The following ETV5 variants were observed in gnomAD, a reference collection of about 807,000 sequenced individuals.
ETV5 encodes ETS variant transcription factor 5.
In ETV5, 10 loss-of-function variants were observed where a neutral mutation model predicts 70.0. That is an observed-to-expected ratio of 0.14 (90% CI 0.09 to 0.24). The LOEUF is 0.24. ETV5 is among the 10% of genes least tolerant of loss of function. The pLI, the probability that ETV5 is intolerant of heterozygous loss-of-function variation, is 1.00. For synonymous variants in ETV5, 216 were observed against 242.2 expected, an observed-to-expected ratio of 0.89 and a Z score of 1.01; for missense variants, 453 against 651.2, an observed-to-expected ratio of 0.70 and a Z score of 3.31.
intron 5 of ETV5, among the ~76,000 whole-genome samples, chr3:186,088,933 A>G (rs1714119454): frequency 6.6e-6 from 1 of 152,212 alleles, no homozygotes; most frequent in East Asian, 1.9e-4. Flanking sequence ...GGTAAGACTT[A>G]TTTTTTAAGT....
rs1366935891 is a variant in ETV5, at chr3:186,079,970, G to C, written c.497C>G (p.Ala166Gly). The C allele has an allele frequency of 1.9e-6, 3 of 1,596,494 alleles. No individual in the cohort carries two copies. The highest frequency in any genetic ancestry group is 2.6e-6 in the Non-Finnish European group (3 of 1,173,234). Residue 166 changes from alanine to glycine, a missense_variant, in exon 7 of 13, where the codon GCT becomes GGT. Around this residue, in one of 4 missense-constraint regions of ETV5, gnomAD observed 307 missense variants for 344.9 expected, o/e 0.89. Transcript: ENST00000306376. ...TLPTSGHAPA[A>G]GPVQGVGPAP... The stretch of plus-strand genomic sequence containing the variant: ...GGGGCCCACACCTTGAACTGGGCCA[G>C]CTGCAGGGGCATGCCCTGAGGTGGG...
intron 5 of ETV5, among the ~76,000 whole-genome samples, chr3:186,086,284 A>G (rs1714057035): frequency 6.6e-6 from 1 of 152,186 alleles, no homozygotes; most frequent in Non-Finnish European, 1.5e-5. Context: ...TTAAATTTAG[A>G]TGTGATGCTC....
chr3:186,081,161 G>C lies in ETV5; in HGVS notation c.247C>G (p.Pro83Ala), dbSNP rs1412277860. The stretch of plus-strand genomic sequence containing the variant: ...TCCCGTTTGATCTTGGTTGGAGGTG[G>C]GGCATGAAGCACCACTGAAATCAGA... ...FQSDNLVLHAPPPTKIKRELH... is the reference protein window; with the variant it reads ...FQSDNLVLHAAPPTKIKRELH... The change falls in exon 6 of 13, where the codon CCA (proline) becomes GCA (alanine). Residue 83 changes from proline (P) to alanine (A), a missense_variant. Pro to Ala is a conservative substitution (Grantham distance 27, BLOSUM62 -1). Transcript: ENST00000306376. The C allele has an allele frequency of 1.5e-5, 25 of 1,613,028 alleles. No homozygotes were observed. Among genetic ancestry groups the C allele is most frequent in the Non-Finnish European group, 2.1e-5 (25 of 1,179,460 alleles).
chr3:186,096,748 A>C (rs1223516131), intron 5 of ETV5, among the ~76,000 whole-genome samples: 4 of 152,186 alleles, frequency 2.6e-5, no homozygotes, highest in Non-Finnish European at 4.4e-5. Context: ...CTGGATCATT[A>C]CTATTAAGTT....
chr3:186,081,666 A>T (rs1422543113), intron 5 of ETV5, among the ~76,000 whole-genome samples: 2 of 152,256 alleles, frequency 1.3e-5, no homozygotes, highest in Non-Finnish European at 2.9e-5. Flanking sequence ...TAGAATTTTT[A>T]AAAAGTCCTT....
In ETV5 at chr3:186,047,663, A is replaced by C. The variant is rs906229693; in HGVS notation, c.*976T>G. 2 of 233,304 alleles carry C rather than the reference A, an allele frequency of 8.6e-6. No individual in the cohort carries two copies. Among genetic ancestry groups the C allele is most frequent in the African/African-American group, 4.4e-5 (2 of 45,332 alleles). The allele number at this position is 233,304 out of a possible 1,614,324, so 14.5% of individuals were successfully genotyped here. A position where few individuals can be genotyped will look rare whatever the true frequency, so the allele number is the denominator to read the frequency against. ...CTGGTGCAGAAAGCACAAAGCAGGCAACAAGGCGGGCTTTCACATGGCCAA... is the reference window on the plus strand; with the variant it reads ...CTGGTGCAGAAAGCACAAAGCAGGCCACAAGGCGGGCTTTCACATGGCCAA... On this transcript the variant is annotated 3_prime_UTR_variant, in exon 13 of 13. Transcript: ENST00000306376.
Position 186,106,435 on chromosome 3 carries a change from C to A in ETV5, c.-74-493G>T, listed in dbSNP as rs529412238. ...GTGTTTCCAAAAGCATTTTGTAGGTCACTGTTAAAACACTATATATAGTTC... is the reference window on the plus strand; with the variant it reads ...GTGTTTCCAAAAGCATTTTGTAGGTAACTGTTAAAACACTATATATAGTTC... On this transcript the variant is annotated intron_variant, in intron 1 of 12. Transcript: ENST00000306376. 2.6e-5 allele frequency among the ~76,000 whole-genome samples: 4 copies of A among 152,208 alleles called. No homozygotes were observed. In the South Asian group the frequency reaches 8.3e-4, roughly 32 times the overall value.
At chr3:186,094,225 G>T (rs998970956) in intron 5 of ETV5, among the ~76,000 whole-genome samples, 1 of 152,168 alleles carries the variant, frequency 6.6e-6, no homozygotes, top group Non-Finnish European at 1.5e-5. Context: ...AAGTGGTCAC[G>T]GATGGGAGGA....
rs372923698 is a variant in ETV5, at chr3:186,109,013, C to T, written c.-148G>A. The stretch of plus-strand genomic sequence containing the variant: ...GCGCTCACGCACGCGCGCAGCGGGC[C>T]TGGGCGCCTGGGCGAAAGGCTGGGC... On this transcript the variant is annotated 5_prime_UTR_variant, in exon 1 of 13. Coordinates refer to ENST00000306376, the MANE Select transcript of ETV5 (RefSeq NM_004454.3). The T allele has an allele frequency of 6.5e-6, 1 of 153,472 alleles. No homozygotes were observed. The highest frequency in any genetic ancestry group is 1.9e-4 in the East Asian group (1 of 5,182). 9.5% of individuals were successfully genotyped at this position (153,472 alleles called of 1,614,324 possible).
chr3:186,073,878 G>A (rs1341588808), intron 7 of ETV5, among the ~76,000 whole-genome samples: 1 of 152,106 alleles, frequency 6.6e-6, no homozygotes, highest in Non-Finnish European at 1.5e-5. Context: ...AGTCACCCCA[G>A]CCTTAAGAGA....
rs114488696 is a variant in ETV5, at chr3:186,060,088, C to T, written c.971-2597G>A. 8.1e-3 allele frequency among the ~76,000 whole-genome samples: 1,227 copies of T among 152,200 alleles called. 16 individuals carry two copies. Among genetic ancestry groups the T allele is most frequent in the African/African-American group, 0.028 (1,172 of 41,522 alleles). On this transcript the variant is annotated intron_variant, in intron 9 of 12. Coordinates refer to ENST00000306376, the MANE Select transcript of ETV5 (RefSeq NM_004454.3). The stretch of plus-strand genomic sequence containing the variant: ...ATCTTCCATATGTATTTTGATATTC[C>T]GGTGATGTTTTAATGGTCTTATTAT...
At chr3:186,072,607 C>T (rs770957099) in intron 7 of ETV5, among the ~76,000 whole-genome samples, 12 of 152,168 alleles carry the variant, frequency 7.9e-5, no homozygotes, top group Non-Finnish European at 1.6e-4. Flanking sequence ...TGTCCCTAAA[C>T]GTACACCAAA....
chr3:186,046,869 A>G lies in ETV5; in HGVS notation c.*1770T>C. On this transcript the variant is annotated 3_prime_UTR_variant, in exon 13 of 13. Coordinates refer to ENST00000306376, the MANE Select transcript of ETV5 (RefSeq NM_004454.3). ...AGAGTACAATGCTAATTAAGGCCCA[A>G]TCTACAGGTTTACCACCTTTGTGGG... 1 of 231,350 alleles carries G rather than the reference A, an allele frequency of 4.3e-6. No individual in the cohort carries two copies. The highest frequency in any genetic ancestry group is 8.6e-6 in the Non-Finnish European group (1 of 116,574). The allele number at this position is 231,350 out of a possible 1,614,324, so 14.3% of individuals were successfully genotyped here. A position where few individuals can be genotyped will look rare whatever the true frequency, so the allele number is the denominator to read the frequency against.
In ETV5 at chr3:186,048,012, T is replaced by C. The variant is rs1302479058; in HGVS notation, c.*627A>G. ...GGGCTTGCTCTACTTGGCGACCACA[T>C]GGCCGGGTGGTTCCCAAGAGTAGCC... On this transcript the variant is annotated 3_prime_UTR_variant, in exon 13 of 13. Transcript: ENST00000306376. 1 of 233,272 alleles carries C rather than the reference T, an allele frequency of 4.3e-6. No homozygotes were observed. Among genetic ancestry groups the C allele is most frequent in the African/African-American group, 2.2e-5 (1 of 45,438 alleles). 14.5% of individuals were successfully genotyped at this position (233,272 alleles called of 1,614,324 possible).
At chr3:186,096,749 C>T (rs59759039) in intron 5 of ETV5, among the ~76,000 whole-genome samples, 10,296 of 152,224 alleles carry the variant, frequency 0.068, 1,198 homozygotes, top group East Asian at 0.53. Flanking sequence ...TGGATCATTA[C>T]TATTAAGTTT....
intron 12 of ETV5, 43 bp from the exon 13 acceptor site, chr3:186,048,903 G>GC: frequency 6.5e-7 from 1 of 1,532,776 alleles, no homozygotes; most frequent in Non-Finnish European, 9.0e-7. Flanking sequence ...TTGGAACAGG[G>GC]CATGGGATCA....
At chr3:186,103,632 C>G (rs1431342836) in intron 5 of ETV5, among the ~76,000 whole-genome samples, 1 of 16,774 alleles carries the variant, frequency 6.0e-5, no homozygotes, top group Non-Finnish European at 3.1e-4. Context: ...CACACACACA[C>G]ACACACACAC....
chr3:186,072,596 C>T lies in ETV5; in HGVS notation c.651-6524G>A, dbSNP rs536627916. On this transcript the variant is annotated intron_variant, in intron 7 of 12. Coordinates refer to ENST00000306376, the MANE Select transcript of ETV5 (RefSeq NM_004454.3). ...CTGCGATATAACGAAGAGCCAGACA[C>T]TGTCCCTAAACGTACACCAAAGAAC... Among the ~76,000 whole-genome samples, 4 of 152,328 alleles carry T rather than the reference C, an allele frequency of 2.6e-5. No individual in the cohort carries two copies. In the South Asian group the frequency reaches 8.3e-4, roughly 32 times the overall value.
At chr3:186,072,171 A>G (rs1378583040) in intron 7 of ETV5, among the ~76,000 whole-genome samples, 6 of 147,472 alleles carry the variant, frequency 4.1e-5, no homozygotes, top group East Asian at 4.5e-4. Flanking sequence ...AAATGAGGTC[A>G]GGAGTTTGAG....
Sources: gnomAD v4.1 joint callset for allele counts (sites outside exome capture counted in the v4.1 genomes callset) on GRCh38, gnomAD v4.1.1 for gene constraint, gnomAD v4.1.1 regional missense constraint, MANE v1.5 for transcripts, NCBI Gene and HGNC (gene_info 2026-07-23, HGNC 2026-07-21) for gene names.